VPS8: variants seen among roughly 807,000 people sequenced by gnomAD.
The protein encoded by VPS8 is vacuolar protein sorting-associated protein 8 homolog.
VPS8 carries 129 observed loss-of-function variants against 216.4 expected under a neutral mutation model. The observed-to-expected ratio is 0.60, with a 90% CI of 0.52 to 0.69. The LOEUF (loss-of-function observed/expected upper bound fraction) is 0.69, where lower values mean the gene tolerates loss of function less well. Ranked by LOEUF, VPS8 falls within the 30% of genes least tolerant of loss-of-function variation. VPS8 has a pLI of 0.00. For synonymous variants in VPS8, 571 were observed against 565.4 expected (o/e 1.01, Z -0.14); for missense variants, 1,531 against 1,683.5 (o/e 0.91, Z 1.59).
At chr3:184,902,182 A>G (rs1310528122) in intron 25 of VPS8, among the ~76,000 whole-genome samples, 2 of 148,314 alleles carry the variant, frequency 1.3e-5, no homozygotes, top group Non-Finnish European at 3.0e-5. Flanking sequence ...TGAATTGTTA[A>G]AAGTTCCCAA....
chr3:184,982,386 G>A lies in VPS8; in HGVS notation c.3421-180G>A, dbSNP rs73053406. 344 of 538,978 alleles carry A rather than the reference G, an allele frequency of 6.4e-4. No homozygotes were observed. The African/African-American group carries it at 6.7e-3, about 10-fold the overall frequency. The allele number at this position is 538,978 out of a possible 1,614,324, so 33.4% of individuals were successfully genotyped here. On this transcript the variant is annotated intron_variant, in intron 40 of 47. Transcript: ENST00000625842. ...CTAGCTGTGGTTTCTGCTTTGTATT[G>A]TCTTTTTTTTTTTTTGCCCCAAATA...
intron 11 of VPS8, among the ~76,000 whole-genome samples, chr3:184,852,769 C>T (rs947751421): frequency 5.3e-5 from 8 of 152,094 alleles, no homozygotes; most frequent in Non-Finnish European, 1.2e-4. Context: ...CTCAGTAGGT[C>T]TGAGTTGAGA....
At position 184,869,054 on chromosome 3, in the gene VPS8, C is replaced by T. The variant is rs766116096; in HGVS notation, c.1597+18C>T. On this transcript the variant is annotated intron_variant, in intron 19 of 47. Transcript: ENST00000625842. ...AGTAGTGGGTGAGTAGGCAGAATTC[C>T]AGTGTAGTAGACGTGGTTCTCCTGG... The T allele has an allele frequency of 8.2e-6, 13 of 1,591,408 alleles. No individual in the cohort carries two copies. Among genetic ancestry groups the T allele is most frequent in the Admixed American group, 1.8e-5 (1 of 56,636 alleles).
At chr3:184,839,135 G>C in intron 6 of VPS8, 1 of 190,552 alleles carries the variant, frequency 5.2e-6, no homozygotes, top group Non-Finnish European at 1.1e-5. Flanking sequence ...CCATTGTCAG[G>C]CTTGCCAAAT....
intron 36 of VPS8, among the ~76,000 whole-genome samples, chr3:184,948,795 A>G (rs976356166): frequency 1.3e-5 from 2 of 152,184 alleles, no homozygotes; most frequent in Admixed American, 6.5e-5. Flanking sequence ...TTCTTAAAGT[A>G]GTCTGAAAAT....
chr3:184,931,631 A>G (rs1740700965), intron 34 of VPS8, among the ~76,000 whole-genome samples: 1 of 152,182 alleles, frequency 6.6e-6, no homozygotes, highest in Non-Finnish European at 1.5e-5. Context: ...CAGTCATGAG[A>G]TATGTGGTCT....
At chr3:184,992,954 T>G (rs886162263) in intron 42 of VPS8, among the ~76,000 whole-genome samples, 1 of 152,066 alleles carries the variant, frequency 6.6e-6, no homozygotes, top group East Asian at 1.9e-4. Flanking sequence ...CAATTGAGAT[T>G]TGCAGCCACT....
At chr3:184,955,203 GCCTAAA>G (rs1745371739) in intron 36 of VPS8, among the ~76,000 whole-genome samples, 1 of 152,160 alleles carries the variant, frequency 6.6e-6, no homozygotes, top group Non-Finnish European at 1.5e-5. Context: ...TCATCTGGAG[GCCTAAA>G]CCCCTCCCTG....
chr3:185,026,270 G>T lies in VPS8; in HGVS notation c.4056+1881G>T, dbSNP rs1354325776. On this transcript the variant is annotated intron_variant, in intron 46 of 47. Coordinates refer to ENST00000625842, the MANE Select transcript of VPS8 (RefSeq NM_001009921.3). ...TGGGTATTATAAGTAATCTAAAGAT[G>T]ATTTAAAATACATGGGAGGATGTGC... Among the ~76,000 whole-genome samples the T allele has an allele frequency of 2.6e-5, 4 of 152,070 alleles. No homozygotes were observed. The East Asian group carries it at 5.8e-4, about 22-fold the overall frequency.
At position 184,866,772 on chromosome 3, in the gene VPS8, AAAG is replaced by A; in HGVS notation, c.1396-102_1396-100del. On this transcript the variant is annotated intron_variant, in intron 16 of 47. Transcript: ENST00000625842. ...CACATTGTAAACTATAATCACTAAA[AAAG>A]ACGTGTAACTAATAAGTCATTAATA... is the stretch of plus-strand genomic sequence containing the variant. 6 of 1,044,062 alleles carry A rather than the reference AAAG, an allele frequency of 5.7e-6. No individual in the cohort carries two copies. In the South Asian group the frequency reaches 9.8e-5, roughly 17 times the overall value. The allele number at this position is 1,044,062 out of a possible 1,614,324, so 64.7% of individuals were successfully genotyped here. A position where few individuals can be genotyped will look rare whatever the true frequency, so the allele number is the denominator to read the frequency against.
intron 40 of VPS8, among the ~76,000 whole-genome samples, chr3:184,973,089 G>A (rs1476967054): frequency 6.6e-6 from 1 of 152,164 alleles, no homozygotes; most frequent in Non-Finnish European, 1.5e-5. Context: ...TGTATAACAA[G>A]CCTAGTTACA....
At chr3:184,941,238 T>C (rs1410954251) in intron 36 of VPS8, among the ~76,000 whole-genome samples, 1 of 152,238 alleles carries the variant, frequency 6.6e-6, no homozygotes, top group Non-Finnish European at 1.5e-5. Context: ...TTTTGAAAGC[T>C]CAACCATTTA....
At chr3:185,005,280 T>G (rs1329309596) in intron 45 of VPS8, among the ~76,000 whole-genome samples, 1 of 152,236 alleles carries the variant, frequency 6.6e-6, no homozygotes, top group African/African-American at 2.4e-5. Context: ...ACCATACCGT[T>G]GTAGTATAGC....
intron 22 of VPS8, among the ~76,000 whole-genome samples, chr3:184,892,022 A>G (rs1243674517): frequency 1.3e-5 from 2 of 152,216 alleles, no homozygotes; most frequent in African/African-American, 4.8e-5. Context: ...ACTGTTATAA[A>G]GTGAAGTTTG....
intron 46 of VPS8, among the ~76,000 whole-genome samples, chr3:185,031,091 T>TA (rs1443310831): frequency 2.1e-5 from 3 of 144,562 alleles, no homozygotes; most frequent in Non-Finnish European, 4.5e-5. Context: ...TTTTTTTTTT[T>TA]AAGGGAAAAA....
chr3:184,971,523 T>C (rs1748400028), intron 39 of VPS8, 126 bp from the exon 40 acceptor site: 1 of 591,164 alleles, frequency 1.7e-6, no homozygotes, highest in South Asian at 2.2e-5. Context: ...AGCATCAGGT[T>C]TTATTAATTA....
At chr3:184,981,780 A>G (rs2109747802) in intron 40 of VPS8, among the ~76,000 whole-genome samples, 1 of 152,236 alleles carries the variant, frequency 6.6e-6, no homozygotes, top group Non-Finnish European at 1.5e-5. Context: ...AGAACACAGA[A>G]TTTAGAGTCA....
chr3:184,842,769 A>G (rs1722424925), intron 7 of VPS8, among the ~76,000 whole-genome samples: 2 of 152,284 alleles, frequency 1.3e-5, no homozygotes, highest in Admixed American at 6.5e-5. Flanking sequence ...GAAAGAAACC[A>G]TTATAAGTTT....
chr3:184,950,437 C>G (rs1466472602), intron 36 of VPS8, among the ~76,000 whole-genome samples: 1 of 151,452 alleles, frequency 6.6e-6, no homozygotes, highest in East Asian at 1.9e-4. Flanking sequence ...AAATCCTCTT[C>G]CTTAGAGAAA....
Sources: gnomAD v4.1 joint callset for allele counts (sites outside exome capture counted in the v4.1 genomes callset) on GRCh38, gnomAD v4.1.1 for gene constraint, MANE v1.5 for transcripts, NCBI Gene and HGNC (gene_info 2026-07-23, HGNC 2026-07-21) for gene names.